The following COL11A2 variants were observed in gnomAD, a reference collection of about 807,000 sequenced individuals.
COL11A2 encodes collagen alpha-2(XI) chain.
COL11A2 carries 116 observed loss-of-function variants against 273.4 expected under a neutral mutation model. The observed-to-expected ratio is 0.42, with a 90% CI of 0.36 to 0.49. COL11A2 has a LOEUF of 0.49. COL11A2 is among the 20% of genes least tolerant of loss of function. The probability of loss-of-function intolerance (pLI) is 0.00; values close to 1 mark genes in which losing one functional copy is unlikely to be tolerated. For synonymous variants in COL11A2, 782 were observed against 864.2 expected (o/e 0.90, Z 1.67); for missense variants, 1,866 against 2,309.0 (o/e 0.81, Z 3.93).
In COL11A2 at chr6:33,192,178, G is replaced by C. The variant is rs1161862605; in HGVS notation, c.63C>G (p.Ser21Arg). 3 of 1,562,486 alleles carry C rather than the reference G, an allele frequency of 1.9e-6. No homozygotes were observed. The highest frequency in any genetic ancestry group is 2.6e-6 in the Non-Finnish European group (3 of 1,153,142). ...LLLLPLVLGL[S>R]AAPGWAGAPP... ...TCTTACCTGCCCAGCCTGGGGCCGC[G>C]CTCAGCCCCAGCACCAGAGGTAGGA... is the stretch of plus-strand genomic sequence containing the variant. The change falls in exon 1 of 66, where the codon AGC (serine) becomes AGG (arginine). Residue 21 changes from serine (S) to arginine (R), a missense_variant. By Grantham distance (110) the Ser-to-Arg change is moderately radical (BLOSUM62 -1). Transcript: ENST00000341947.
chr6:33,169,975 C>A lies in COL11A2; in HGVS notation c.3636+72G>T. 2 of 1,612,584 alleles carry A rather than the reference C, an allele frequency of 1.2e-6. No homozygotes were observed. The highest frequency in any genetic ancestry group is 1.7e-6 in the Non-Finnish European group (2 of 1,178,782). On this transcript the variant is annotated intron_variant, in intron 49 of 65. Coordinates refer to ENST00000341947, the MANE Select transcript of COL11A2 (RefSeq NM_080680.3). The surrounding 1 kb of genome is among the most constrained non-coding windows in gnomAD (Gnocchi z 5.5). ...CATCTCATTCTCTTTTGTCTCCCCA[C>A]CCAAAATTGGCAGAAATCCAACTCC... is the stretch of plus-strand genomic sequence containing the variant.
At chr6:33,186,954 CA>C in intron 4 of COL11A2, 136 bp from the exon 5 acceptor site, 1 of 1,156,730 alleles carries the variant, frequency 8.6e-7, no homozygotes. Flanking sequence ...CCTCCATATG[CA>C]TAGCCCTTTT....
intron 4 of COL11A2, among the ~76,000 whole-genome samples, chr6:33,187,362 ATT>A (rs1772563874): frequency 6.6e-6 from 1 of 152,158 alleles, no homozygotes; most frequent in South Asian, 2.1e-4. Flanking sequence ...TTGCACCGTA[ATT>A]TAGGGATGTT....
intron 8 of COL11A2, 58 bp from the exon 9 acceptor site, chr6:33,181,228 C>T: frequency 3.2e-6 from 5 of 1,563,950 alleles, no homozygotes; most frequent in Non-Finnish European, 4.4e-6. Flanking sequence ...GGACACTAGG[C>T]CTTTCTCCAT....
chr6:33,172,690 G>T, intron 38 of COL11A2, 53 bp from the exon 39 acceptor site: 2 of 1,489,766 alleles, frequency 1.3e-6, no homozygotes, highest in Non-Finnish European at 1.9e-6. Context: ...CTCGCTGTCT[G>T]CCAGAAGAGC....
rs1772758568 is a variant in COL11A2, at chr6:33,189,014, T to C, written c.407A>G (p.Gln136Arg). ...DQTGRPQPPS[Q>R]PVFRGLSLAD... is the part of the protein sequence containing the mutation. ...TAGGCTGAGGCCTCGGAAGACTGGC[T>C]GAGAGGGAGGTTGAGGCCGCCCAGT... Residue 136 changes from glutamine to arginine, a missense_variant, in exon 3 of 66, where the codon CAG becomes CGG. Physicochemically the swap from Gln to Arg is conservative, Grantham distance 43 (BLOSUM62 1). Transcript: ENST00000341947. This position sits in a 1 kb window ranked among gnomAD's most constrained non-coding sequence, Gnocchi z 5.6. 2 of 1,614,112 alleles carry C rather than the reference T, an allele frequency of 1.2e-6. No individual in the cohort carries two copies. The highest frequency in any genetic ancestry group is 1.7e-6 in the Non-Finnish European group (2 of 1,180,022).
At position 33,174,673 on chromosome 6, in the gene COL11A2, C is replaced by T. The variant is rs565823121; in HGVS notation, c.2377-93G>A. ...CAACCCTCACATATAACAGCCAGCCCCCACCCAGCAACACACCCCACACAC... is the reference window on the plus strand; with the variant it reads ...CAACCCTCACATATAACAGCCAGCCTCCACCCAGCAACACACCCCACACAC... On this transcript the variant is annotated intron_variant, in intron 30 of 65. Transcript: ENST00000341947. 1.7e-4 allele frequency: 205 copies of T among 1,235,568 alleles called. 4 individuals are homozygous for T. In the South Asian group the frequency reaches 2.5e-3, roughly 15 times the overall value. The allele number at this position is 1,235,568 out of a possible 1,614,324, so 76.5% of individuals were successfully genotyped here.
At chr6:33,192,639 G>C, upstream of COL11A2, 1 of 326,362 alleles carries the variant, frequency 3.1e-6, no homozygotes, top group Non-Finnish European at 5.7e-6. Flanking sequence ...GCCCCTTGTA[G>C]GTCTCAACGG....
Position 33,186,675 on chromosome 6 carries a change from C to T in COL11A2, c.750G>A (p.Gln250=). ...QPHRAQRSPQ[Q]QPSRLHRPQN... is the part of the protein sequence containing the mutation. The stretch of plus-strand genomic sequence containing the variant: ...GTGGCCTGTGAAGTCTTGATGGTTG[C>T]TGCTGTGGAGATCTCTGGGCTCTGT... The change falls in exon 5 of 66, where the codon CAG becomes CAA. Residue 250 remains glutamine, a synonymous_variant. Coordinates refer to ENST00000341947, the MANE Select transcript of COL11A2 (RefSeq NM_080680.3). 6.2e-7 allele frequency: 1 copy of T among 1,614,046 alleles called. No homozygotes were observed. The highest frequency in any genetic ancestry group is 8.5e-7 in the Non-Finnish European group (1 of 1,180,002).
At position 33,190,945 on chromosome 6, in the gene COL11A2, A is replaced by T. The variant is rs986648272; in HGVS notation, c.82+1214T>A. Among the ~76,000 whole-genome samples the T allele has an allele frequency of 6.6e-6, 1 of 152,066 alleles. No individual in the cohort carries two copies. The highest frequency in any genetic ancestry group is 1.5e-5 in the Non-Finnish European group (1 of 68,004). ...TACTTGCCCCCCTGTATCCAGCCTC[A>T]TCTGCCCCACAGGCTCTCCACTGGT... is the stretch of plus-strand genomic sequence containing the variant. On this transcript the variant is annotated intron_variant, in intron 1 of 65. Coordinates refer to ENST00000341947, the MANE Select transcript of COL11A2 (RefSeq NM_080680.3). This position sits in a 1 kb window ranked among gnomAD's most constrained non-coding sequence, Gnocchi z 4.5.
rs182329417 is a variant in COL11A2 at position 33,188,386 on chromosome 6, A to G, written c.582T>C (p.Arg194=). The change falls in exon 4 of 66, where the codon CGT becomes CGC. Residue 194 remains arginine (R), a synonymous_variant. Transcript: ENST00000341947. ...DTHGVIIFGA[R]ILDEEVFEGD... ...CCTCAAAGACTTCTTCATCCAGAATACGGGCACCAAAGATGATCACTCCAT... is the reference window on the plus strand; with the variant it reads ...CCTCAAAGACTTCTTCATCCAGAATGCGGGCACCAAAGATGATCACTCCAT... 1 of 1,613,064 alleles carries G rather than the reference A, an allele frequency of 6.2e-7. No individual in the cohort carries two copies. Among genetic ancestry groups the G allele is most frequent in the African/African-American group, 1.3e-5 (1 of 75,030 alleles).
intron 54 of COL11A2, 93 bp downstream of exon 54, chr6:33,168,426 C>T (rs1769508583): frequency 1.4e-6 from 2 of 1,382,582 alleles, no homozygotes; most frequent in Non-Finnish European, 2.1e-6. Context: ...AGACACCAGG[C>T]ACCTCCCCAC....
In COL11A2 at chr6:33,166,479, G is replaced by A. The variant is rs1413685005; in HGVS notation, c.4392+34C>T. 1 of 1,609,382 alleles carries A rather than the reference G, an allele frequency of 6.2e-7. No individual in the cohort carries two copies. The highest frequency in any genetic ancestry group is 8.5e-7 in the Non-Finnish European group (1 of 1,177,192). On this transcript the variant is annotated intron_variant, in intron 60 of 65. Transcript: ENST00000341947. The surrounding 1 kb of genome is among the most constrained non-coding windows in gnomAD (Gnocchi z 4.8). ...TGTGGGTGGGCAGCAGAGGGGTTTA[G>A]GGGATTTTGTGGAGGAACAGAGGCA...
chr6:33,177,339 C>T lies in COL11A2; in HGVS notation c.1971+73G>A. Reference sequence around the variant, plus strand: ...GAAACCCTTAATTTCCTGTATCCTTCCAGGGTCTCACCCATTGTGGAAGCC... The same window carrying T: ...GAAACCCTTAATTTCCTGTATCCTTTCAGGGTCTCACCCATTGTGGAAGCC... On this transcript the variant is annotated intron_variant, in intron 23 of 65. Transcript: ENST00000341947. This position sits in a 1 kb window ranked among gnomAD's most constrained non-coding sequence, Gnocchi z 5.9. 6.2e-7 allele frequency: 1 copy of T among 1,602,168 alleles called. No individual in the cohort carries two copies. The highest frequency in any genetic ancestry group is 1.1e-5 in the South Asian group (1 of 90,842).
At position 33,177,650 on chromosome 6, in the gene COL11A2, T is replaced by G. The variant is rs1416459505; in HGVS notation, c.1917+12A>C. On this transcript the variant is annotated intron_variant, in intron 22 of 65. Transcript: ENST00000341947. The surrounding 1 kb of genome is among the most constrained non-coding windows in gnomAD (Gnocchi z 5.9). ...ATAAGAATGGGGGTGGGATCTCCTA[T>G]CCATCACTCACCAAGCTCCCTTTGG... 3 of 1,612,884 alleles carry G rather than the reference T, an allele frequency of 1.9e-6. No individual in the cohort carries two copies. The Admixed American group carries it at 5.0e-5, about 27-fold the overall frequency.
At chr6:33,174,835 G>C (rs1217075687) in intron 30 of COL11A2, among the ~76,000 whole-genome samples, 1 of 152,046 alleles carries the variant, frequency 6.6e-6, no homozygotes, top group Non-Finnish European at 1.5e-5. Flanking sequence ...AGGTCCTTCA[G>C]GGTCACTGTG....
intron 4 of COL11A2, 140 bp downstream of exon 4, chr6:33,188,222 G>T: frequency 3.8e-6 from 4 of 1,050,830 alleles, no homozygotes; most frequent in Non-Finnish European, 5.9e-6. Context: ...TAGCCCTGAA[G>T]ATAGAAAATA....
At chr6:33,187,958 CAGGT>C (rs1352453764) in intron 4 of COL11A2, among the ~76,000 whole-genome samples, 2 of 151,748 alleles carry the variant, frequency 1.3e-5, no homozygotes, top group South Asian at 2.1e-4. Flanking sequence ...GGAGGATTGA[CAGGT>C]GGGTGGATAT....
chr6:33,169,745 A>C lies in COL11A2; in HGVS notation c.3690+86T>G. 2.0e-6 allele frequency: 3 copies of C among 1,524,364 alleles called. No individual in the cohort carries two copies. The highest frequency in any genetic ancestry group is 1.7e-4 in the Middle Eastern group (1 of 5,876). 94.4% of individuals were successfully genotyped at this position (1,524,364 alleles called of 1,614,324 possible). On this transcript the variant is annotated intron_variant, in intron 50 of 65. Transcript: ENST00000341947. This position sits in a 1 kb window ranked among gnomAD's most constrained non-coding sequence, Gnocchi z 5.5. ...GAGACTCTTGCTGCAGAGGAGTTCC[A>C]GCTCAAGGAGGTCACAGGAAAAGTG... is the stretch of plus-strand genomic sequence containing the variant.
Sources: gnomAD v4.1 joint callset for allele counts (sites outside exome capture counted in the v4.1 genomes callset) on GRCh38, gnomAD v4.1.1 for gene constraint, Gnocchi (gnomAD v3.1) non-coding constraint, MANE v1.5 for transcripts, NCBI Gene and HGNC (gene_info 2026-07-23, HGNC 2026-07-21) for gene names.